Variants in WDR41 observed in about 807,000 individuals in gnomAD.
The protein encoded by WDR41 is WD repeat-containing protein 41.
In WDR41, 63 loss-of-function variants were observed where a neutral mutation model predicts 69.3. The ratio of observed to expected loss-of-function variants is 0.91; its 90% CI spans 0.74 to 1.12. The LOEUF is 1.12. Ranked by LOEUF, WDR41 falls within the 50% of genes most tolerant of loss-of-function variation. The pLI is 0.00. For missense variants in WDR41, 543 were observed against 534.5 expected, an observed-to-expected ratio of 1.02 and a Z score of -0.16; for synonymous variants, 185 against 192.1, an observed-to-expected ratio of 0.96 and a Z score of 0.31.
chr5:77,538,798 T>A (rs1225006822), intron 1 of WDR41, among the ~76,000 whole-genome samples: 2 of 152,188 alleles, frequency 1.3e-5, no homozygotes, highest in Non-Finnish European at 2.9e-5. Flanking sequence ...CGTAATGAAA[T>A]CAGGATAATT....
At chr5:77,537,300 G>C (rs1183801164) in intron 1 of WDR41, among the ~76,000 whole-genome samples, 1 of 152,176 alleles carries the variant, frequency 6.6e-6, no homozygotes, top group Admixed American at 6.5e-5. Flanking sequence ...TGATATGAAG[G>C]AACAAGTTTT....
At chr5:77,584,139 C>T (rs1163515799) in intron 1 of WDR41, among the ~76,000 whole-genome samples, 2 of 152,154 alleles carry the variant, frequency 1.3e-5, no homozygotes, top group Admixed American at 1.3e-4. Flanking sequence ...ATCAACCTCA[C>T]TGGTGAAAGA....
At chr5:77,598,146 A>G (rs1446729953) in intron 1 of WDR41, among the ~76,000 whole-genome samples, 2 of 152,248 alleles carry the variant, frequency 1.3e-5, no homozygotes, top group Admixed American at 1.3e-4. Flanking sequence ...AATAACAAGC[A>G]CAGGTTAAAT....
At chr5:77,465,588 A>C (rs1800268912) in intron 2 of WDR41, among the ~76,000 whole-genome samples, 1 of 152,124 alleles carries the variant, frequency 6.6e-6, no homozygotes, top group Non-Finnish European at 1.5e-5. Flanking sequence ...GCAACAAAGT[A>C]GTATAAATAA....
At chr5:77,597,042 G>A (rs916974670) in intron 1 of WDR41, among the ~76,000 whole-genome samples, 5 of 151,958 alleles carry the variant, frequency 3.3e-5, no homozygotes, top group African/African-American at 1.2e-4. Context: ...AGGATGGCTT[G>A]AGCCTAGGAG....
chr5:77,597,556 A>T (rs2112318283), intron 1 of WDR41, among the ~76,000 whole-genome samples: 1 of 152,316 alleles, frequency 6.6e-6, no homozygotes, highest in African/African-American at 2.4e-5. Context: ...GAGCCCCTTC[A>T]GTAATCTAAA....
At chr5:77,441,042 T>A (rs115721320) in intron 8 of WDR41, 45 bp from the exon 9 acceptor site, 1 of 1,593,534 alleles carries the variant, frequency 6.3e-7, no homozygotes, top group Non-Finnish European at 8.6e-7. Context: ...ATTTTATCTA[T>A]GTAAAGATAT....
At chr5:77,449,644 T>C in intron 8 of WDR41, 116 bp downstream of exon 8, 2 of 686,122 alleles carry the variant, frequency 2.9e-6, no homozygotes, top group South Asian at 4.1e-5. Flanking sequence ...AGAATGACAA[T>C]CCCATTATTT....
chr5:77,457,567 A>G (rs1799884091), intron 5 of WDR41, among the ~76,000 whole-genome samples: 1 of 152,114 alleles, frequency 6.6e-6, no homozygotes. Flanking sequence ...AATGCATATA[A>G]TAATTTATTT....
chr5:77,442,911 A>AAAAAAAAAAAAT (rs1799229763), intron 8 of WDR41, among the ~76,000 whole-genome samples: 1 of 148,074 alleles, frequency 6.8e-6, no homozygotes, highest in Non-Finnish European at 1.5e-5. Flanking sequence ...AAAAAAAAAA[A>AAAAAAAAAAAAT]AAGGATTTTT....
intron 1 of WDR41, among the ~76,000 whole-genome samples, chr5:77,618,656 A>T (rs922800027): frequency 6.6e-6 from 1 of 152,222 alleles, no homozygotes; most frequent in Non-Finnish European, 1.5e-5. Flanking sequence ...TACAGGCGTG[A>T]GCCACCACAC....
chr5:77,499,594 T>C (rs1014524750), intron 1 of WDR41: 9 of 152,148 alleles, frequency 5.9e-5, no homozygotes, highest in African/African-American at 1.9e-4. Context: ...TTTTTTCCCA[T>C]CTTTCTACCC....
intron 1 of WDR41, among the ~76,000 whole-genome samples, chr5:77,613,031 A>G (rs1184594265): frequency 1.3e-5 from 2 of 149,846 alleles, no homozygotes; most frequent in Non-Finnish European, 3.0e-5. Context: ...TCATGAGTGA[A>G]CTCCCATTCA....
intron 1 of WDR41, among the ~76,000 whole-genome samples, chr5:77,565,348 T>G (rs1215269870): frequency 2.6e-5 from 4 of 152,170 alleles, no homozygotes; most frequent in Non-Finnish European, 5.9e-5. Flanking sequence ...CCTTTGCCAA[T>G]TCCTAAAAGT....
rs188670552 is a variant in WDR41, at chr5:77,590,039, C to G, written c.42+30440G>C. 2.7e-3 allele frequency among the ~76,000 whole-genome samples: 408 copies of G among 152,084 alleles called. 1 individual carries two copies. Among genetic ancestry groups the G allele is most frequent in the African/African-American group, 9.2e-3 (381 of 41,528 alleles). On this transcript the variant is annotated intron_variant, in intron 1 of 5. Transcript: ENST00000509971. ...GCTTTCATAAAAATGTGTTGATTTT[C>G]TATCAATGCTTTTTTTCTTTGTTTA...
chr5:77,461,305 G>GTA (rs1321141199), intron 4 of WDR41, among the ~76,000 whole-genome samples: 1 of 152,126 alleles, frequency 6.6e-6, no homozygotes, highest in Non-Finnish European at 1.5e-5. Flanking sequence ...ATGTGTGTAT[G>GTA]TATATATGTA....
rs1802118368 is a variant in WDR41 at position 77,506,980 on chromosome 5, AC to A, written c.43-17409del. ...CAGCAAACCAACATGGCACATGTAT[AC>A]CTGTGTATCAAACCTGCACGTTGTG... On this transcript the variant is annotated intron_variant, in intron 1 of 5. Coordinates refer to the WDR41 transcript ENST00000509971. Among the ~76,000 whole-genome samples the A allele has an allele frequency of 2.0e-5, 3 of 152,316 alleles. No individual in the cohort carries two copies. In the South Asian group the frequency reaches 6.2e-4, roughly 32 times the overall value.
intron 1 of WDR41, among the ~76,000 whole-genome samples, chr5:77,531,027 A>C (rs1295447210): frequency 6.6e-6 from 1 of 151,814 alleles, no homozygotes; most frequent in East Asian, 1.9e-4. Flanking sequence ...CAATCACCTA[A>C]ATATAAGAAC....
chr5:77,595,912 T>C (rs960241245), intron 1 of WDR41, among the ~76,000 whole-genome samples: 3 of 152,314 alleles, frequency 2.0e-5, no homozygotes, highest in South Asian at 2.1e-4. Flanking sequence ...TTTTTTTCTT[T>C]AAATGCCAGT....
Sources: gnomAD v4.1 joint callset for allele counts (sites outside exome capture counted in the v4.1 genomes callset) on GRCh38, gnomAD v4.1.1 for gene constraint, MANE v1.5 for transcripts, NCBI Gene and HGNC (gene_info 2026-07-23, HGNC 2026-07-21) for gene names.